The following ACACA variants were observed in gnomAD, a reference collection of about 807,000 sequenced individuals.
ACACA encodes acetyl-CoA carboxylase 1.
Under a neutral mutation model 296.1 loss-of-function variants are expected in ACACA, and 103 were observed. The ratio of observed to expected loss-of-function variants is 0.35; its 90% CI spans 0.30 to 0.41. The LOEUF is 0.41. ACACA is among the 10% of genes least tolerant of loss of function. The pLI, the probability that ACACA is intolerant of heterozygous loss-of-function variation, is 1.00. For missense variants in ACACA, 1,554 were observed against 2,989.7 expected (o/e 0.52, Z 11.20); for synonymous variants, 953 against 1,038.6 (o/e 0.92, Z 1.58).
rs1016866721 is a variant in ACACA, at chr17:37,113,351, C to T, written c.6275-86G>A. The T allele has an allele frequency of 6.0e-5, 84 of 1,401,680 alleles. No homozygotes were observed. Among genetic ancestry groups the T allele is most frequent in the Non-Finnish European group, 7.2e-5 (72 of 1,006,396 alleles). 86.8% of individuals were successfully genotyped at this position (1,401,680 alleles called of 1,614,324 possible). A position where few individuals can be genotyped will look rare whatever the true frequency, so the allele number is the denominator to read the frequency against. ...AAACACTGTTCAGGACCTCTGGCCA[C>T]GAAGAGCCTCCTTATACTATGCCTC... On this transcript the variant is annotated intron_variant, in intron 50 of 55. Coordinates refer to ENST00000616317, the MANE Select transcript of ACACA (RefSeq NM_198834.3). The surrounding 1 kb of genome is among the most constrained non-coding windows in gnomAD (Gnocchi z 4.0).
chr17:37,112,078 C>T (rs1452337306), intron 51 of ACACA, among the ~76,000 whole-genome samples: 1 of 151,968 alleles, frequency 6.6e-6, no homozygotes, highest in Non-Finnish European at 1.5e-5. Flanking sequence ...ATCTATCTAT[C>T]TATCTACCTC....
At chr17:37,375,795 C>T (rs1208483493) in intron 1 of ACACA, among the ~76,000 whole-genome samples, 2 of 152,128 alleles carry the variant, frequency 1.3e-5, no homozygotes, top group South Asian at 2.1e-4. Flanking sequence ...TATCAATGGG[C>T]GTTTATGGCC....
intron 3 of ACACA, among the ~76,000 whole-genome samples, chr17:37,323,191 G>A (rs1321952072): frequency 6.6e-6 from 1 of 152,280 alleles, no homozygotes; most frequent in Non-Finnish European, 1.5e-5. Flanking sequence ...CTGCCCATCT[G>A]CATCCTCCCC....
chr17:37,236,518 C>T (rs541183544), intron 24 of ACACA, among the ~76,000 whole-genome samples: 3 of 151,080 alleles, frequency 2.0e-5, no homozygotes, highest in Admixed American at 1.3e-4. Flanking sequence ...CATACCAAGA[C>T]ACTCTTTTTT....
intron 29 of ACACA, among the ~76,000 whole-genome samples, chr17:37,211,493 C>G (rs1441649277): frequency 6.6e-6 from 1 of 152,132 alleles, no homozygotes; most frequent in East Asian, 1.9e-4. Context: ...TTATACTTAC[C>G]ACCTACAATT....
At chr17:37,275,166 G>C (rs2082224819) in intron 8 of ACACA, among the ~76,000 whole-genome samples, 5 of 152,180 alleles carry the variant, frequency 3.3e-5, no homozygotes, top group African/African-American at 9.6e-5. Flanking sequence ...TTTTTAAACA[G>C]TCAAATCAAA....
chr17:37,262,818 C>T (rs142364301), intron 11 of ACACA, among the ~76,000 whole-genome samples: 1 of 152,218 alleles, frequency 6.6e-6, no homozygotes, highest in Non-Finnish European at 1.5e-5. Flanking sequence ...CAGCTTTGAC[C>T]TCCCAGTGTC....
rs187947945 is a variant in ACACA, at chr17:37,348,703, G to A, written c.39-8853C>T. ...ACAAACACCAATGCTATACGGGCGCGGTAATTCCAGCACTTTGGGAGGCAG... is the reference window on the plus strand; with the variant it reads ...ACAAACACCAATGCTATACGGGCGCAGTAATTCCAGCACTTTGGGAGGCAG... On this transcript the variant is annotated intron_variant, in intron 1 of 55. Coordinates refer to ENST00000616317, the MANE Select transcript of ACACA (RefSeq NM_198834.3). Among the ~76,000 whole-genome samples, 295 of 151,982 alleles carry A rather than the reference G, an allele frequency of 1.9e-3. 2 individuals carry two copies. Among genetic ancestry groups the A allele is most frequent in the Non-Finnish European group, 2.8e-3 (193 of 67,966 alleles).
chr17:37,126,182 G>T (rs1302840796), intron 47 of ACACA, among the ~76,000 whole-genome samples: 2 of 152,146 alleles, frequency 1.3e-5, no homozygotes, highest in African/African-American at 4.8e-5. Flanking sequence ...TTTAAAACTT[G>T]CCTTACAATT....
At chr17:37,128,265 T>C (rs1213231311) in intron 47 of ACACA, among the ~76,000 whole-genome samples, 1 of 152,160 alleles carries the variant, frequency 6.6e-6, no homozygotes, top group East Asian at 1.9e-4. Flanking sequence ...TGTGACCTTG[T>C]ACGAATCACT....
intron 16 of ACACA, among the ~76,000 whole-genome samples, chr17:37,249,896 G>A (rs541962215): frequency 6.6e-6 from 1 of 152,294 alleles, no homozygotes; most frequent in South Asian, 2.1e-4. Context: ...TCATGGGGGC[G>A]GTTCCCCCAT....
chr17:37,125,653 T>C, intron 48 of ACACA, 45 bp downstream of exon 48: 1 of 1,480,072 alleles, frequency 6.8e-7, no homozygotes. Flanking sequence ...CTTTCTTATT[T>C]TTAGTTGGGA....
chr17:37,225,867 G>A (rs540227702), intron 26 of ACACA, among the ~76,000 whole-genome samples: 6 of 152,352 alleles, frequency 3.9e-5, no homozygotes, highest in African/African-American at 1.4e-4. Flanking sequence ...GAAGACTGCA[G>A]GGTGAAACTA....
At chr17:37,324,670 CAA>C (rs781511745) in intron 3 of ACACA, among the ~76,000 whole-genome samples, 7 of 95,698 alleles carry the variant, frequency 7.3e-5, no homozygotes, top group Non-Finnish European at 8.7e-5. Flanking sequence ...AACTCCATCT[CAA>C]AAAAAAAAAA....
chr17:37,159,743 C>A (rs913560734), intron 42 of ACACA, among the ~76,000 whole-genome samples: 4 of 152,066 alleles, frequency 2.6e-5, no homozygotes, highest in African/African-American at 9.7e-5. Context: ...AATGTATGTA[C>A]TTAGGTAGCC....
chr17:37,155,805 C>T, intron 42 of ACACA, 25 bp from the exon 43 acceptor site: 1 of 1,459,408 alleles, frequency 6.9e-7, no homozygotes, highest in Non-Finnish European at 9.6e-7. Context: ...TAGTTTTTAA[C>T]TCATTATTTG....
intron 5 of ACACA, 136 bp downstream of exon 5, chr17:37,283,131 G>C: frequency 9.3e-7 from 1 of 1,080,104 alleles, no homozygotes; most frequent in Non-Finnish European, 1.4e-6. Context: ...ATTTTAAACA[G>C]AAATTATTTT....
chr17:37,278,013 T>C lies in ACACA; in HGVS notation c.611-8A>G, dbSNP rs1041304143. 2 of 1,599,020 alleles carry C rather than the reference T, an allele frequency of 1.3e-6. No homozygotes were observed. Among genetic ancestry groups the C allele is most frequent in the African/African-American group, 2.7e-5 (2 of 74,594 alleles). Reference sequence around the variant, plus strand: ...CTGCCATCTTAATGTATTCTGAAAATGCAAGCGAATTAATAGAGAACACAT... The same window carrying C: ...CTGCCATCTTAATGTATTCTGAAAACGCAAGCGAATTAATAGAGAACACAT... On this transcript the variant is annotated splice_region_variant and splice_polypyrimidine_tract_variant and intron_variant, in intron 5 of 55. Transcript: ENST00000616317.
intron 1 of ACACA, among the ~76,000 whole-genome samples, chr17:37,346,700 TC>T (rs1199947648): frequency 2.8e-5 from 3 of 106,540 alleles, no homozygotes; most frequent in Admixed American, 9.3e-5. Context: ...AGACTCCATC[TC>T]AAAAAAAAAA....
Sources: allele counts gnomAD v4.1 joint callset (sites outside exome capture counted in the v4.1 genomes callset), GRCh38; gene constraint gnomAD v4.1.1; non-coding constraint Gnocchi (gnomAD v3.1); transcripts MANE v1.5; gene names NCBI Gene and HGNC (gene_info 2026-07-23, HGNC 2026-07-21).